Variants in WWOX observed in about 807,000 individuals in gnomAD.
The protein encoded by WWOX is WW domain containing oxidoreductase, also known as WW domain-containing oxidoreductase.
A neutral mutation model predicts 46.2 loss-of-function variants in WWOX; 69 were observed. The ratio of observed to expected loss-of-function variants is 1.49; its 90% CI spans 1.23 to 1.82. The LOEUF is 1.82. Ranked by LOEUF, WWOX falls within the 40% of genes most tolerant of loss-of-function variation. WWOX has a pLI of 0.00. For missense variants in WWOX, 919 were observed against 542.6 expected, an observed-to-expected ratio of 1.69 and a Z score of -6.89; for synonymous variants, 359 against 202.6, an observed-to-expected ratio of 1.77 and a Z score of -6.56.
At chr16:79,139,725 C>G (rs531982033) in intron 8 of WWOX, among the ~76,000 whole-genome samples, 2 of 152,084 alleles carry the variant, frequency 1.3e-5, no homozygotes, top group South Asian at 2.1e-4. Flanking sequence ...CTGACTTTCA[C>G]CAGAATGATT....
intron 6 of WWOX, among the ~76,000 whole-genome samples, chr16:78,405,663 C>T (rs1256334674): frequency 6.6e-6 from 1 of 152,164 alleles, no homozygotes; most frequent in Non-Finnish European, 1.5e-5. Flanking sequence ...ACCATATCCC[C>T]AAAGTAGAAT....
chr16:79,207,287 C>G (rs1330644511), intron 8 of WWOX, among the ~76,000 whole-genome samples: 1 of 152,226 alleles, frequency 6.6e-6, no homozygotes, highest in African/African-American at 2.4e-5. Context: ...CCAACAGACA[C>G]CAGATGAGTA....
intron 8 of WWOX, among the ~76,000 whole-genome samples, chr16:79,151,158 CAT>C (rs1327769982): frequency 2.0e-5 from 3 of 152,184 alleles, no homozygotes; most frequent in Non-Finnish European, 2.9e-5. Context: ...TCCTGCTTTC[CAT>C]ATGTTATATA....
chr16:78,101,924 G>A (rs906687580), intron 1 of WWOX, among the ~76,000 whole-genome samples: 1 of 152,162 alleles, frequency 6.6e-6, no homozygotes, highest in African/African-American at 2.4e-5. Flanking sequence ...TGTATACCAG[G>A]AAGTAGTGTG....
chr16:78,503,337 C>T (rs1392005207), intron 8 of WWOX, among the ~76,000 whole-genome samples: 6 of 152,082 alleles, frequency 3.9e-5, no homozygotes. Context: ...TAAGTACCTT[C>T]CAACTGTTCC....
chr16:78,615,483 A>G (rs1055816380), intron 8 of WWOX, among the ~76,000 whole-genome samples: 1 of 151,886 alleles, frequency 6.6e-6, no homozygotes, highest in African/African-American at 2.4e-5. Context: ...ACCCATCTCT[A>G]CTATAAATTT....
intron 8 of WWOX, among the ~76,000 whole-genome samples, chr16:79,172,782 C>G (rs1597444502): frequency 6.6e-6 from 1 of 151,820 alleles, no homozygotes; most frequent in Admixed American, 6.6e-5. Context: ...TTCCAGCACT[C>G]TGGGAGGCCA....
At chr16:78,574,060 T>C (rs1173851698) in intron 8 of WWOX, among the ~76,000 whole-genome samples, 1 of 152,192 alleles carries the variant, frequency 6.6e-6, no homozygotes, top group Non-Finnish European at 1.5e-5. Context: ...TCCTTGTAGC[T>C]TTTTGACTCG....
chr16:78,849,676 A>G (rs371575673), intron 8 of WWOX, among the ~76,000 whole-genome samples: 1 of 152,004 alleles, frequency 6.6e-6, no homozygotes, highest in African/African-American at 2.4e-5. Context: ...AAAACACAGT[A>G]TGGTTGTTTC....
At chr16:79,005,331 C>T (rs1169641671) in intron 8 of WWOX, among the ~76,000 whole-genome samples, 1 of 152,172 alleles carries the variant, frequency 6.6e-6, no homozygotes, top group African/African-American at 2.4e-5. Context: ...GAATCATTTA[C>T]TCCCCAGGCT....
chr16:78,250,935 C>T (rs1377497167), intron 5 of WWOX, among the ~76,000 whole-genome samples: 3 of 152,158 alleles, frequency 2.0e-5, no homozygotes, highest in Non-Finnish European at 2.9e-5. Context: ...CTGTGTTCCA[C>T]GGGACAGGCA....
At chr16:78,249,302 C>T (rs1161812902) in intron 5 of WWOX, among the ~76,000 whole-genome samples, 4 of 152,340 alleles carry the variant, frequency 2.6e-5, no homozygotes, top group South Asian at 2.1e-4. Context: ...CACTGCCTCA[C>T]GAGGTCGCTG....
chr16:78,815,065 C>T (rs560191876), intron 8 of WWOX, among the ~76,000 whole-genome samples: 63 of 152,336 alleles, frequency 4.1e-4, no homozygotes, highest in African/African-American at 1.4e-3. Flanking sequence ...TGGCTCACGC[C>T]TGTAATCCCA....
chr16:79,069,710 A>G (rs2048512781), intron 8 of WWOX, among the ~76,000 whole-genome samples: 1 of 152,206 alleles, frequency 6.6e-6, no homozygotes, highest in South Asian at 2.1e-4. Context: ...CAATTAAATG[A>G]GGCAGTGTGT....
intron 8 of WWOX, among the ~76,000 whole-genome samples, chr16:79,027,865 G>A (rs16949276): frequency 0.13 from 20,159 of 151,836 alleles, 1,637 homozygotes; most frequent in South Asian, 0.22. Context: ...GAAACAGCAC[G>A]TGTCTTAGGC....
At chr16:79,100,004 C>A (rs1346151574) in intron 8 of WWOX, among the ~76,000 whole-genome samples, 1 of 152,204 alleles carries the variant, frequency 6.6e-6, no homozygotes, top group Non-Finnish European at 1.5e-5. Context: ...ATTTCTTCTT[C>A]TCCAGGAAAA....
At chr16:78,710,140 A>G (rs939321072) in intron 8 of WWOX, among the ~76,000 whole-genome samples, 1 of 151,974 alleles carries the variant, frequency 6.6e-6, no homozygotes, top group Non-Finnish European at 1.5e-5. Flanking sequence ...TGTCTGCCTC[A>G]TGTTGACCTG....
chr16:79,093,083 T>A (rs2150607592), intron 8 of WWOX, among the ~76,000 whole-genome samples: 1 of 152,350 alleles, frequency 6.6e-6, no homozygotes, highest in East Asian at 1.9e-4. Flanking sequence ...GATGCTGAGC[T>A]GTTGGTTACG....
At chr16:79,195,616 G>A (rs2051224818) in intron 8 of WWOX, among the ~76,000 whole-genome samples, 1 of 152,218 alleles carries the variant, frequency 6.6e-6, no homozygotes, top group African/African-American at 2.4e-5. Flanking sequence ...GTATATTCAT[G>A]TAAGTGAGGT....
Sources: gnomAD v4.1 joint callset for allele counts (sites outside exome capture counted in the v4.1 genomes callset) on GRCh38, gnomAD v4.1.1 for gene constraint, MANE v1.5 for transcripts, NCBI Gene and HGNC (gene_info 2026-07-23, HGNC 2026-07-21) for gene names.